SLC24A4: variants seen among roughly 807,000 people sequenced by gnomAD.
SLC24A4 encodes sodium/potassium/calcium exchanger 4.
In SLC24A4, 53 loss-of-function variants were observed where a neutral mutation model predicts 79.0. The ratio of observed to expected loss-of-function variants is 0.67; its 90% CI spans 0.54 to 0.84. SLC24A4 has a LOEUF of 0.84. Ranked by LOEUF, SLC24A4 falls within the 40% of genes least tolerant of loss-of-function variation. The pLI, the probability that SLC24A4 is intolerant of heterozygous loss-of-function variation, is 0.00. For synonymous variants in SLC24A4, 323 were observed against 323.8 expected, an observed-to-expected ratio of 1.00 and a Z score of 0.03; for missense variants, 731 against 822.0, an observed-to-expected ratio of 0.89 and a Z score of 1.35.
In SLC24A4 at chr14:92,425,825, T is replaced by G. The variant is rs138679363; in HGVS notation, c.242-8087T>G. 8.7e-4 allele frequency among the ~76,000 whole-genome samples: 132 copies of G among 152,118 alleles called. No individual in the cohort carries two copies. The East Asian group carries it at 0.017, about 19-fold the overall frequency. On this transcript the variant is annotated intron_variant, in intron 2 of 16. Transcript: ENST00000532405. ...TGATACCCAGTCTCTACCAAAAAAA[T>G]ACAATAATTAGCTGGGTATGATAGT...
chr14:92,469,610 T>C (rs548622671), intron 12 of SLC24A4, among the ~76,000 whole-genome samples: 1 of 152,256 alleles, frequency 6.6e-6, no homozygotes, highest in East Asian at 1.9e-4. Context: ...TGCAAACTTA[T>C]ACACAAGAGT....
chr14:92,346,411 C>T (rs192019136), intron 2 of SLC24A4, among the ~76,000 whole-genome samples: 45 of 152,236 alleles, frequency 3.0e-4, no homozygotes, highest in East Asian at 7.7e-4. Flanking sequence ...CAGTCTCTTA[C>T]GCAGGAGGCA....
intron 2 of SLC24A4, among the ~76,000 whole-genome samples, chr14:92,378,530 C>T (rs1287272988): frequency 6.6e-6 from 1 of 152,192 alleles, no homozygotes; most frequent in African/African-American, 2.4e-5. Context: ...TTAACATCTT[C>T]TCCACCTCCG....
intron 2 of SLC24A4, among the ~76,000 whole-genome samples, chr14:92,385,725 A>C (rs1274356329): frequency 6.6e-6 from 1 of 152,088 alleles, no homozygotes; most frequent in African/African-American, 2.4e-5. Context: ...CGCACCGGCT[A>C]TCTCCCCCAG....
intron 12 of SLC24A4, among the ~76,000 whole-genome samples, chr14:92,466,863 C>T (rs1334871369): frequency 6.6e-6 from 1 of 152,232 alleles, no homozygotes; most frequent in East Asian, 1.9e-4. Flanking sequence ...ATGCTTCAGT[C>T]AGTCACTGAA....
chr14:92,369,799 C>T (rs1380059973), intron 2 of SLC24A4, among the ~76,000 whole-genome samples: 3 of 152,058 alleles, frequency 2.0e-5, no homozygotes, highest in Non-Finnish European at 4.4e-5. Context: ...GCATACTCAC[C>T]CACTCACCCC....
In SLC24A4 at chr14:92,453,982, C is replaced by T. The variant is rs755754892; in HGVS notation, c.963C>T (p.Phe321=). 47 of 1,613,732 alleles carry T rather than the reference C, an allele frequency of 2.9e-5. 1 individual carries two copies. Among genetic ancestry groups the T allele is most frequent in the Non-Finnish European group, 3.6e-5 (43 of 1,179,890 alleles). ...IMSSSPPKFT[F]PEAGLRIMIT... ...GCTCCAGCCCTCCCAAGTTCACCTTCCCTGAAGCAGGCTTACGAATCATGA... is the reference window on the plus strand; with the variant it reads ...GCTCCAGCCCTCCCAAGTTCACCTTTCCTGAAGCAGGCTTACGAATCATGA... Residue 321 remains phenylalanine (F), a synonymous_variant, in exon 11 of 17, where the codon TTC becomes TTT. Transcript: ENST00000532405.
chr14:92,406,824 A>C (rs940693569), intron 2 of SLC24A4, among the ~76,000 whole-genome samples: 3 of 151,994 alleles, frequency 2.0e-5, no homozygotes, highest in Non-Finnish European at 4.4e-5. Flanking sequence ...AATGCCCTGG[A>C]GACATTTTCC....
intron 2 of SLC24A4, among the ~76,000 whole-genome samples, chr14:92,415,117 C>T (rs1247268175): frequency 1.3e-5 from 2 of 152,184 alleles, no homozygotes; most frequent in African/African-American, 2.4e-5. Flanking sequence ...TGATGCACCT[C>T]CATGGAGGCC....
In SLC24A4 at chr14:92,461,165, T is replaced by A. The variant is rs148633842; in HGVS notation, c.1255+4557T>A. 6.1e-3 allele frequency among the ~76,000 whole-genome samples: 935 copies of A among 152,294 alleles called. 44 individuals are homozygous for A. Among genetic ancestry groups the A allele is most frequent in the Admixed American group, 0.056 (853 of 15,296 alleles). ...CATAGTCTGGGGAATCTTGTGAGCC[T>A]GCTGAGGCTGCTCCCTGGCCCGCCA... On this transcript the variant is annotated intron_variant, in intron 12 of 16. Coordinates refer to ENST00000532405, the MANE Select transcript of SLC24A4 (RefSeq NM_153646.4).
At chr14:92,453,774 C>T (rs1220867603) in intron 10 of SLC24A4, 126 bp from the exon 11 acceptor site, 22 of 1,049,312 alleles carry the variant, frequency 2.1e-5, no homozygotes, top group African/African-American at 3.3e-5. Context: ...CCAGACTTCC[C>T]GGTGGCTGCC....
At chr14:92,431,441 A>G (rs1267074572) in intron 2 of SLC24A4, among the ~76,000 whole-genome samples, 1 of 152,210 alleles carries the variant, frequency 6.6e-6, no homozygotes, top group East Asian at 1.9e-4. Context: ...GGACATCTGC[A>G]GTTCCAAGTT....
In SLC24A4 at chr14:92,444,593, G is replaced by T. The variant is rs768972959; in HGVS notation, c.658-724G>T. On this transcript the variant is annotated intron_variant, in intron 7 of 16. Transcript: ENST00000532405. ...GTGAAGGCTGGGCGCGGTGGCTCAC[G>T]CCTGTAATCCTAGCACTTTGGAAGG... 5.3e-5 allele frequency among the ~76,000 whole-genome samples: 8 copies of T among 152,290 alleles called. No homozygotes were observed. In the South Asian group the frequency reaches 1.7e-3, roughly 32 times the overall value.
At chr14:92,391,564 T>A (rs1889463099) in intron 2 of SLC24A4, among the ~76,000 whole-genome samples, 1 of 152,232 alleles carries the variant, frequency 6.6e-6, no homozygotes, top group South Asian at 2.1e-4. Flanking sequence ...ATTGCAGTGG[T>A]CATGCTTGGA....
chr14:92,400,974 G>C (rs912762322), intron 2 of SLC24A4, among the ~76,000 whole-genome samples: 1 of 152,166 alleles, frequency 6.6e-6, no homozygotes, highest in Admixed American at 6.5e-5. Context: ...ATCAGGAAAT[G>C]AGAGTGAAAG....
intron 15 of SLC24A4, 145 bp downstream of exon 15, chr14:92,491,922 T>TTC (rs1213734038): frequency 2.8e-6 from 2 of 706,594 alleles, no homozygotes; most frequent in African/African-American, 3.5e-5. Flanking sequence ...CTAGAGCACC[T>TTC]TAGGGATGTC....
chr14:92,369,869 T>G (rs1224650762), intron 2 of SLC24A4, among the ~76,000 whole-genome samples: 3 of 152,244 alleles, frequency 2.0e-5, no homozygotes, highest in Admixed American at 1.3e-4. Context: ...GAGAAGGGGT[T>G]GCACATTTGT....
intron 2 of SLC24A4, among the ~76,000 whole-genome samples, chr14:92,429,203 A>C (rs112882259): frequency 1.3e-5 from 2 of 152,184 alleles, no homozygotes; most frequent in African/African-American, 4.8e-5. Context: ...TTAAACAACC[A>C]GGAGTAGGGG....
chr14:92,489,612 G>A (rs894280041), intron 14 of SLC24A4, among the ~76,000 whole-genome samples: 2 of 152,036 alleles, frequency 1.3e-5, no homozygotes, highest in Non-Finnish European at 1.5e-5. Context: ...CCTGGGAGCT[G>A]ATGAGAAATG....
Sources: allele counts gnomAD v4.1 joint callset (sites outside exome capture counted in the v4.1 genomes callset), GRCh38; gene constraint gnomAD v4.1.1; transcripts MANE v1.5; gene names NCBI Gene and HGNC (gene_info 2026-07-23, HGNC 2026-07-21).